Variants in SPCS2 observed in about 807,000 individuals in gnomAD.
SPCS2 encodes the protein signal peptidase complex subunit 2, also known as SPase 25 kDa subunit.
In SPCS2, 3 loss-of-function variants were observed where a neutral mutation model predicts 22.3. The observed-to-expected ratio is 0.13, with a 90% CI of 0.06 to 0.35. SPCS2 has a LOEUF of 0.35. Ranked by LOEUF, SPCS2 falls within the 10% of genes least tolerant of loss-of-function variation. The probability of loss-of-function intolerance (pLI) is 1.00; values close to 1 mark genes in which losing one functional copy is unlikely to be tolerated. For synonymous variants in SPCS2, 67 were observed against 97.2 expected, an observed-to-expected ratio of 0.69 and a Z score of 1.83; for missense variants, 169 against 280.9, an observed-to-expected ratio of 0.60 and a Z score of 2.85.
At chr11:74,956,109 A>G (rs912712048) in intron 1 of SPCS2, among the ~76,000 whole-genome samples, 8 of 151,266 alleles carry the variant, frequency 5.3e-5, no homozygotes, top group African/African-American at 1.9e-4. Context: ...TGTTGTCTTC[A>G]TTGTTCTTTG....
intron 4 of SPCS2, among the ~76,000 whole-genome samples, chr11:74,976,571 A>G (rs1316922173): frequency 6.6e-6 from 1 of 152,206 alleles, no homozygotes; most frequent in African/African-American, 2.4e-5. Flanking sequence ...AAGTCCAGAG[A>G]TGAGAGAAGA....
At chr11:74,959,481 C>G (rs532817395) in intron 1 of SPCS2, among the ~76,000 whole-genome samples, 4 of 152,192 alleles carry the variant, frequency 2.6e-5, no homozygotes, top group African/African-American at 9.7e-5. Flanking sequence ...CAGCCTATAC[C>G]TCCTGAGCTC....
intron 3 of SPCS2, among the ~76,000 whole-genome samples, chr11:74,968,522 T>TG (rs1271242216): frequency 8.0e-5 from 12 of 149,482 alleles, no homozygotes; most frequent in African/African-American, 3.0e-4. Flanking sequence ...TTTTTTGTTT[T>TG]TTTTTTTTTT....
At chr11:74,974,449 G>C (rs1203669134) in intron 4 of SPCS2, among the ~76,000 whole-genome samples, 2 of 152,156 alleles carry the variant, frequency 1.3e-5, no homozygotes, top group East Asian at 1.9e-4. Flanking sequence ...ATAAATGGCA[G>C]TGCTGTCCTT....
intron 4 of SPCS2, among the ~76,000 whole-genome samples, chr11:74,976,427 A>G (rs989585347): frequency 7.2e-5 from 11 of 152,222 alleles, no homozygotes; most frequent in Non-Finnish European, 1.5e-4. Context: ...AGACAGAGGA[A>G]ACACATCTGA....
intron 1 of SPCS2, among the ~76,000 whole-genome samples, chr11:74,955,471 A>G (rs957311096): frequency 6.6e-6 from 1 of 152,186 alleles, no homozygotes; most frequent in East Asian, 1.9e-4. Flanking sequence ...ACAAAAGGCC[A>G]TATATAGTAT....
At chr11:74,953,022 G>T (rs187870838) in intron 1 of SPCS2, among the ~76,000 whole-genome samples, 1 of 152,072 alleles carries the variant, frequency 6.6e-6, no homozygotes, top group Non-Finnish European at 1.5e-5. Context: ...ATTGAATTTC[G>T]CAGAGAAAAA....
intron 1 of SPCS2, among the ~76,000 whole-genome samples, chr11:74,958,772 C>T (rs1036518506): frequency 2.0e-5 from 3 of 152,076 alleles, no homozygotes; most frequent in African/African-American, 2.4e-5. Context: ...TAAGTCCTGC[C>T]AATTCTACCT....
rs1948621841 is a variant in SPCS2, at chr11:74,977,476, A to G, written c.*433A>G. The G allele has an allele frequency of 6.6e-6, 1 of 151,900 alleles. No individual in the cohort carries two copies. Among genetic ancestry groups the G allele is most frequent in the South Asian group, 2.1e-4 (1 of 4,774 alleles). 9.4% of individuals were successfully genotyped at this position (151,900 alleles called of 1,614,324 possible). The stretch of plus-strand genomic sequence containing the variant: ...GAATTCAGGATACAACTTCTTGTGT[A>G]TGACAGCTTTCCTTCACACACTATT... On this transcript the variant is annotated 3_prime_UTR_variant, in exon 5 of 5. Transcript: ENST00000263672.
intron 3 of SPCS2, among the ~76,000 whole-genome samples, chr11:74,968,595 A>T (rs1400713259): frequency 6.7e-6 from 1 of 149,628 alleles, no homozygotes; most frequent in East Asian, 2.0e-4. Flanking sequence ...GGCTCACTGC[A>T]ACCCTGCAAC....
intron 4 of SPCS2, among the ~76,000 whole-genome samples, chr11:74,969,953 G>A (rs544553267): frequency 6.6e-6 from 1 of 152,310 alleles, no homozygotes; most frequent in South Asian, 2.1e-4. Context: ...TAACAGAGAC[G>A]ATTAAGCATA....
chr11:74,951,466 C>G (rs750697281), intron 1 of SPCS2, among the ~76,000 whole-genome samples: 1 of 151,946 alleles, frequency 6.6e-6, no homozygotes, highest in Non-Finnish European at 1.5e-5. Context: ...GTACTTGTTA[C>G]GGAAGTTCAA....
chr11:74,965,962 A>AT (rs1413773332), intron 3 of SPCS2, 39 bp downstream of exon 3: 16 of 1,551,994 alleles, frequency 1.0e-5, no homozygotes, highest in Non-Finnish European at 1.2e-5. Context: ...TCTAGTGACT[A>AT]TTTTTTTAAA....
At chr11:74,974,015 C>T (rs545500510) in intron 4 of SPCS2, among the ~76,000 whole-genome samples, 2 of 152,046 alleles carry the variant, frequency 1.3e-5, no homozygotes, top group Non-Finnish European at 2.9e-5. Flanking sequence ...CTCTGCTCTC[C>T]TTTTCTTCTT....
At chr11:74,975,907 GGGT>G (rs1288058529) in intron 4 of SPCS2, among the ~76,000 whole-genome samples, 1 of 152,224 alleles carries the variant, frequency 6.6e-6, no homozygotes, top group African/African-American at 2.4e-5. Flanking sequence ...AATGGAAACA[GGGT>G]GGGGGATGTC....
chr11:74,960,289 G>A lies in SPCS2; in HGVS notation c.115-4745G>A, dbSNP rs369482031. Among the ~76,000 whole-genome samples the A allele has an allele frequency of 1.6e-4, 25 of 152,324 alleles. No homozygotes were observed. In the East Asian group the frequency reaches 2.5e-3, roughly 15 times the overall value. The stretch of plus-strand genomic sequence containing the variant: ...GGAGGTTACAGTGAGCTGAGATCGC[G>A]CCACTGCGCTCAGCCTGGGTGACAG... On this transcript the variant is annotated intron_variant, in intron 1 of 4. Transcript: ENST00000263672.
chr11:74,972,322 C>T (rs1412065190), intron 4 of SPCS2, among the ~76,000 whole-genome samples: 3 of 152,184 alleles, frequency 2.0e-5, no homozygotes, highest in Non-Finnish European at 4.4e-5. Context: ...CCTTGGCCTC[C>T]CAAAGTGGTG....
Position 74,949,540 on chromosome 11 carries a change from C to T in SPCS2, c.114+141C>T, listed in dbSNP as rs554280824. The T allele has an allele frequency of 1.6e-4, 119 of 751,128 alleles. No homozygotes were observed. The East Asian group carries it at 3.3e-3, about 21-fold the overall frequency. The allele number at this position is 751,128 out of a possible 1,614,324, so 46.5% of individuals were successfully genotyped here. A position where few individuals can be genotyped will look rare whatever the true frequency, so the allele number is the denominator to read the frequency against. ...GTGACCACTATCACAACCCTACGCA[C>T]GCTTGGAGCCTGCCCTTGCCCTCAT... is the stretch of plus-strand genomic sequence containing the variant. On this transcript the variant is annotated intron_variant, in intron 1 of 4. Coordinates refer to ENST00000263672, the MANE Select transcript of SPCS2 (RefSeq NM_014752.3).
intron 4 of SPCS2, among the ~76,000 whole-genome samples, chr11:74,972,072 C>CT (rs368320288): frequency 1.3e-3 from 185 of 146,792 alleles, no homozygotes; most frequent in Middle Eastern, 3.5e-3. Context: ...CCTAGTTATT[C>CT]TTTTTTTTTT....
Sources: gnomAD v4.1 joint callset for allele counts (sites outside exome capture counted in the v4.1 genomes callset) on GRCh38, gnomAD v4.1.1 for gene constraint, MANE v1.5 for transcripts, NCBI Gene and HGNC (gene_info 2026-07-23, HGNC 2026-07-21) for gene names.